MACROD2: variants seen among roughly 807,000 people sequenced by gnomAD.
MACROD2 encodes mono-ADP ribosylhydrolase 2, also known as ADP-ribose glycohydrolase MACROD2.
A neutral mutation model predicts 70.4 loss-of-function variants in MACROD2; 36 were observed. The observed-to-expected ratio is 0.51, with a 90% CI of 0.39 to 0.68. The LOEUF (loss-of-function observed/expected upper bound fraction) is 0.68. Ranked by LOEUF, MACROD2 falls within the 30% of genes least tolerant of loss-of-function variation. The probability of loss-of-function intolerance (pLI) is 0.00; values close to 1 mark genes in which losing one functional copy is unlikely to be tolerated. For synonymous variants in MACROD2, 172 were observed against 178.8 expected, an observed-to-expected ratio of 0.96 and a Z score of 0.30; for missense variants, 496 against 538.4, an observed-to-expected ratio of 0.92 and a Z score of 0.78.
chr20:15,871,216 T>A (rs2064578472), intron 9 of MACROD2, among the ~76,000 whole-genome samples: 2 of 151,648 alleles, frequency 1.3e-5, no homozygotes, highest in Non-Finnish European at 2.9e-5. Flanking sequence ...CATTTAAAGT[T>A]CTCAAAAATT....
At chr20:15,889,332 G>A (rs117647750) in intron 10 of MACROD2, among the ~76,000 whole-genome samples, 2,199 of 152,250 alleles carry the variant, frequency 0.014, 31 homozygotes, top group Admixed American at 0.042. Flanking sequence ...TGCCAATAAC[G>A]TGACATGCAT....
At chr20:14,605,363 C>T (rs1156613529) in intron 4 of MACROD2, among the ~76,000 whole-genome samples, 3 of 148,750 alleles carry the variant, frequency 2.0e-5, no homozygotes, top group Admixed American at 1.4e-4. Flanking sequence ...TATACTGTAA[C>T]ATAGTCTTCC....
intron 2 of MACROD2, among the ~76,000 whole-genome samples, chr20:14,015,012 C>G (rs1400353176): frequency 6.9e-6 from 1 of 145,804 alleles, no homozygotes. Context: ...TACCATGTTG[C>G]ACAGGCTAGT....
intron 8 of MACROD2, among the ~76,000 whole-genome samples, chr20:15,762,011 G>T (rs991668616): frequency 1.3e-5 from 2 of 152,106 alleles, no homozygotes; most frequent in African/African-American, 4.8e-5. Context: ...TTTTCTTTGG[G>T]TAATTTTTTG....
Position 14,774,269 on chromosome 20 carries a change from A to T in MACROD2, c.418+89310A>T, listed in dbSNP as rs369805603. Among the ~76,000 whole-genome samples the T allele has an allele frequency of 1.1e-4, 17 of 152,054 alleles. 1 individual carries two copies. In the East Asian group the frequency reaches 2.5e-3, roughly 22 times the overall value. ...CTTAGGTCATACTTGTCAATAAATG[A>T]TTTTTTTCTCAACAGTACTTTATAA... On this transcript the variant is annotated intron_variant, in intron 5 of 17. Coordinates refer to ENST00000684519, the MANE Select transcript of MACROD2 (RefSeq NM_001351661.2).
rs2074639128 is a variant in MACROD2 at position 14,966,596 on chromosome 20, T to G, written c.419-263344T>G. The stretch of plus-strand genomic sequence containing the variant: ...GTCTTCAGATGCTTCTTCATCACCC[T>G]TCTCATTTCATCCTCTCTTCCCGTA... On this transcript the variant is annotated intron_variant, in intron 5 of 17. Coordinates refer to ENST00000684519, the MANE Select transcript of MACROD2 (RefSeq NM_001351661.2). 3.3e-5 allele frequency among the ~76,000 whole-genome samples: 5 copies of G among 152,270 alleles called. No individual in the cohort carries two copies. The South Asian group carries it at 8.3e-4, about 25-fold the overall frequency.
At chr20:15,280,165 A>C (rs2077430271) in intron 6 of MACROD2, among the ~76,000 whole-genome samples, 1 of 152,238 alleles carries the variant, frequency 6.6e-6, no homozygotes, top group African/African-American at 2.4e-5. Flanking sequence ...CAAGGAGTTT[A>C]ACAATGCTGC....
chr20:14,154,359 A>G (rs923296468), intron 3 of MACROD2, among the ~76,000 whole-genome samples: 9 of 151,682 alleles, frequency 5.9e-5, no homozygotes, highest in African/African-American at 2.2e-4. Context: ...GAGTAGGTTC[A>G]GTATGTAATT....
chr20:15,741,092 CTTTT>C (rs397865668), intron 8 of MACROD2, among the ~76,000 whole-genome samples: 1 of 124,000 alleles, frequency 8.1e-6, no homozygotes. Flanking sequence ...GTTATCATAT[CTTTT>C]TTTTTTTTTT....
intron 6 of MACROD2, among the ~76,000 whole-genome samples, chr20:15,395,593 T>C (rs1282998499): frequency 6.6e-6 from 1 of 152,202 alleles, no homozygotes; most frequent in Non-Finnish European, 1.5e-5. Context: ...AGTACATAAA[T>C]GAATGAGCCT....
intron 5 of MACROD2, among the ~76,000 whole-genome samples, chr20:15,134,354 T>G (rs1195590592): frequency 6.6e-6 from 1 of 151,232 alleles, no homozygotes; most frequent in African/African-American, 2.4e-5. Flanking sequence ...GAACAGAAAT[T>G]ATAACAAACT....
intron 13 of MACROD2, among the ~76,000 whole-genome samples, chr20:15,984,115 CT>C (rs57840126): frequency 0.25 from 37,457 of 151,134 alleles, 4,964 homozygotes; most frequent in Non-Finnish European, 0.3. Flanking sequence ...ATTTTATAGA[CT>C]TTTTTTAACT....
intron 5 of MACROD2, among the ~76,000 whole-genome samples, chr20:14,782,222 C>A (rs2072310915): frequency 1.3e-5 from 2 of 151,842 alleles, no homozygotes; most frequent in Admixed American, 6.6e-5. Context: ...CCGTACCCAG[C>A]CTAAGATTTC....
At chr20:15,517,631 G>C (rs2047586956) in intron 8 of MACROD2, among the ~76,000 whole-genome samples, 2 of 152,158 alleles carry the variant, frequency 1.3e-5, no homozygotes, top group African/African-American at 4.8e-5. Context: ...CGAATGGGAG[G>C]GGGAGTAGAG....
chr20:15,243,201 G>C (rs2077075283), intron 6 of MACROD2, among the ~76,000 whole-genome samples: 1 of 152,144 alleles, frequency 6.6e-6, no homozygotes, highest in African/African-American at 2.4e-5. Flanking sequence ...TGAAGCTGGG[G>C]CACTGTCCTG....
At chr20:15,156,296 C>A (rs1411861855) in intron 5 of MACROD2, among the ~76,000 whole-genome samples, 1 of 152,122 alleles carries the variant, frequency 6.6e-6, no homozygotes, top group Non-Finnish European at 1.5e-5. Context: ...CATTGCTCAG[C>A]TTTTCACTTT....
At chr20:14,406,672 T>C (rs1404863960) in intron 3 of MACROD2, among the ~76,000 whole-genome samples, 2 of 152,174 alleles carry the variant, frequency 1.3e-5, no homozygotes, top group Non-Finnish European at 2.9e-5. Flanking sequence ...TTTGGCTTTC[T>C]TATGTGCCCA....
chr20:14,234,250 C>T (rs1456965315), intron 3 of MACROD2, among the ~76,000 whole-genome samples: 2 of 151,994 alleles, frequency 1.3e-5, no homozygotes, highest in Non-Finnish European at 2.9e-5. Context: ...AAAAATGCAT[C>T]AATTTAAAAA....
chr20:15,791,764 G>A (rs1769403640), intron 8 of MACROD2, among the ~76,000 whole-genome samples: 1 of 151,846 alleles, frequency 6.6e-6, no homozygotes, highest in Admixed American at 6.6e-5. Context: ...AAGCTCTAAA[G>A]ATAACATAAA....
Sources: gnomAD v4.1 joint callset for allele counts (sites outside exome capture counted in the v4.1 genomes callset) on GRCh38, gnomAD v4.1.1 for gene constraint, MANE v1.5 for transcripts, NCBI Gene and HGNC (gene_info 2026-07-23, HGNC 2026-07-21) for gene names.